The following SKAP2 variants were observed in gnomAD, a reference collection of about 807,000 sequenced individuals.
The protein encoded by SKAP2 is src kinase associated phosphoprotein 2.
In SKAP2, 28 loss-of-function variants were observed where a neutral mutation model predicts 54.9. The observed-to-expected ratio is 0.51, with a 90% confidence interval of 0.38 to 0.70. The LOEUF is 0.70. Ranked by LOEUF, SKAP2 falls within the 30% of genes least tolerant of loss-of-function variation. SKAP2 has a pLI of 0.00. For missense variants in SKAP2, 356 were observed against 424.1 expected (o/e 0.84, Z 1.41); for synonymous variants, 137 against 134.3 (o/e 1.02, Z -0.14).
intron 4 of SKAP2, among the ~76,000 whole-genome samples, chr7:26,805,262 T>G (rs914611099): frequency 6.6e-6 from 1 of 152,246 alleles, no homozygotes; most frequent in Non-Finnish European, 1.5e-5. Flanking sequence ...ACAGAAAATG[T>G]CTCTAGACAG....
Position 26,690,352 on chromosome 7 carries a change from CTCT to C in SKAP2, c.804_806del (p.Glu269del), listed in dbSNP as rs768404730. On this transcript the variant is annotated inframe_deletion, in exon 10 of 13. Transcript: ENST00000345317. Reference sequence around the variant, plus strand: ...CTTCCACTTTCACTGGAGCACTGTCCTCTTCTTCTTCTGTAAATAAACATTATC... The same window carrying C: ...CTTCCACTTTCACTGGAGCACTGTCCTCTTCTTCTGTAAATAAACATTATC... The C allele has an allele frequency of 8.7e-6, 14 of 1,608,720 alleles. No homozygotes were observed. The highest frequency in any genetic ancestry group is 2.7e-5 in the African/African-American group (2 of 74,778).
At chr7:26,750,845 A>T (rs1377703308) in intron 4 of SKAP2, among the ~76,000 whole-genome samples, 1 of 152,126 alleles carries the variant, frequency 6.6e-6, no homozygotes, top group Non-Finnish European at 1.5e-5. Flanking sequence ...TATAATTTAG[A>T]TTGAATTCTT....
rs753510440 is a variant in SKAP2, at chr7:26,725,880, GTATT to G, written c.658+39_658+42del. On this transcript the variant is annotated intron_variant, in intron 8 of 12. Transcript: ENST00000345317. ...AAAACCCAAACTACTCTGTTATTTA[GTATT>G]TAAAGACTGTGATAACTTGTTCGAT... 3 of 1,471,160 alleles carry G rather than the reference GTATT, an allele frequency of 2.0e-6. No individual in the cohort carries two copies. In the East Asian group the frequency reaches 6.8e-5, roughly 33 times the overall value. The allele number at this position is 1,471,160 out of a possible 1,614,324, so 91.1% of individuals were successfully genotyped here. A position where few individuals can be genotyped will look rare whatever the true frequency, so the allele number is the denominator to read the frequency against.
intron 4 of SKAP2, among the ~76,000 whole-genome samples, chr7:26,809,187 G>A (rs1418498630): frequency 1.3e-5 from 2 of 152,152 alleles, no homozygotes; most frequent in Non-Finnish European, 2.9e-5. Context: ...GCCAAGGTGG[G>A]CAGATCACCT....
At chr7:26,773,438 CT>C (rs1438584732) in intron 4 of SKAP2, among the ~76,000 whole-genome samples, 2 of 152,196 alleles carry the variant, frequency 1.3e-5, no homozygotes, top group Non-Finnish European at 2.9e-5. Flanking sequence ...TACATTCATT[CT>C]GCATCTTCCA....
chr7:26,713,910 T>C (rs1724014180), intron 9 of SKAP2, among the ~76,000 whole-genome samples: 1 of 152,216 alleles, frequency 6.6e-6, no homozygotes, highest in Non-Finnish European at 1.5e-5. Flanking sequence ...AAGATGCTTA[T>C]TTGTAAATAT....
chr7:26,784,377 G>A (rs536800780), intron 4 of SKAP2, among the ~76,000 whole-genome samples: 23 of 152,236 alleles, frequency 1.5e-4, no homozygotes, highest in Admixed American at 1.4e-3. Context: ...TTTCCTCCAC[G>A]GTGAGAGTAT....
At chr7:26,755,460 TA>T (rs1782770016) in intron 4 of SKAP2, among the ~76,000 whole-genome samples, 1 of 152,058 alleles carries the variant, frequency 6.6e-6, no homozygotes, top group Non-Finnish European at 1.5e-5. Context: ...AACTACAAAT[TA>T]ATAAGAAAAA....
intron 4 of SKAP2, among the ~76,000 whole-genome samples, chr7:26,759,720 T>G (rs1389179279): frequency 6.6e-6 from 1 of 152,160 alleles, no homozygotes; most frequent in Non-Finnish European, 1.5e-5. Flanking sequence ...TAGATCACTA[T>G]TTTTGGTTTG....
At chr7:26,763,640 G>A (rs1782981891) in intron 4 of SKAP2, among the ~76,000 whole-genome samples, 1 of 152,084 alleles carries the variant, frequency 6.6e-6, no homozygotes, top group African/African-American at 2.4e-5. Context: ...AGAATTCAAA[G>A]ATTCTTGCTG....
chr7:26,752,888 C>A (rs3801867), intron 4 of SKAP2, among the ~76,000 whole-genome samples: 93,296 of 151,174 alleles, frequency 0.62, 29,317 homozygotes, highest in East Asian at 0.88. Flanking sequence ...TTGTATCCAC[C>A]AAATATCCAC....
At chr7:26,671,104 C>A (rs954677195) in intron 11 of SKAP2, among the ~76,000 whole-genome samples, 4 of 152,000 alleles carry the variant, frequency 2.6e-5, no homozygotes, top group African/African-American at 9.7e-5. Context: ...ACTCCATAAC[C>A]GGTCTCATAT....
chr7:26,687,370 TTGA>T (rs1443344410), intron 10 of SKAP2, among the ~76,000 whole-genome samples: 1 of 151,888 alleles, frequency 6.6e-6, no homozygotes, highest in Non-Finnish European at 1.5e-5. Context: ...TTCTATAATC[TTGA>T]TGATGATGTT....
chr7:26,782,277 T>G (rs1215104129), intron 4 of SKAP2, among the ~76,000 whole-genome samples: 1 of 152,260 alleles, frequency 6.6e-6, no homozygotes, highest in East Asian at 1.9e-4. Flanking sequence ...GTGATAAACC[T>G]CAATTAGCCA....
intron 4 of SKAP2, among the ~76,000 whole-genome samples, chr7:26,764,332 G>A (rs916728569): frequency 3.9e-5 from 6 of 152,166 alleles, no homozygotes; most frequent in African/African-American, 1.4e-4. Flanking sequence ...TATAGAAGAA[G>A]AAGAAAACAT....
At chr7:26,808,472 G>A (rs999696282) in intron 4 of SKAP2, among the ~76,000 whole-genome samples, 3 of 152,130 alleles carry the variant, frequency 2.0e-5, no homozygotes, top group Non-Finnish European at 2.9e-5. Flanking sequence ...AGGGAGGTGG[G>A]TGAATGGGGA....
rs918935395 is a variant in SKAP2 at position 26,668,213 on chromosome 7, AG to A, written c.*1452del. The A allele has an allele frequency of 1.3e-5, 2 of 152,192 alleles. No individual in the cohort carries two copies. The highest frequency in any genetic ancestry group is 4.8e-5 in the African/African-American group (2 of 41,446). The allele number at this position is 152,192 out of a possible 1,614,324, so 9.4% of individuals were successfully genotyped here. ...CATGTTTAGAATCTTTATAAAGCAA[AG>A]ATATTGAAAAGTTCCATAAAGATAA... On this transcript the variant is annotated 3_prime_UTR_variant, in exon 13 of 13. Transcript: ENST00000345317.
chr7:26,831,776 C>G (rs1479499706), intron 4 of SKAP2, among the ~76,000 whole-genome samples: 2 of 152,018 alleles, frequency 1.3e-5, no homozygotes, highest in African/African-American at 4.8e-5. Flanking sequence ...TTCTTAACTA[C>G]TATGTTTCAT....
At chr7:26,703,990 GTTAA>G (rs1238148939) in intron 9 of SKAP2, among the ~76,000 whole-genome samples, 2 of 152,116 alleles carry the variant, frequency 1.3e-5, no homozygotes, top group Non-Finnish European at 2.9e-5. Flanking sequence ...GCTCCTGTTT[GTTAA>G]TTAATTAAAC....
Sources: allele counts gnomAD v4.1 joint callset (sites outside exome capture counted in the v4.1 genomes callset), GRCh38; gene constraint gnomAD v4.1.1; transcripts MANE v1.5; gene names NCBI Gene and HGNC (gene_info 2026-07-23, HGNC 2026-07-21).